TMC4: variants seen among roughly 807,000 people sequenced by gnomAD.
TMC4 encodes transmembrane channel like 4.
In TMC4, 70 loss-of-function variants were observed where a neutral mutation model predicts 82.0. The ratio of observed to expected loss-of-function variants is 0.85; its 90% CI spans 0.70 to 1.04. The LOEUF is 1.04. TMC4 is among the 50% of genes least tolerant of loss of function. The probability of loss-of-function intolerance (pLI) is 0.00; values close to 1 mark genes in which losing one functional copy is unlikely to be tolerated. For synonymous variants in TMC4, 446 were observed against 406.0 expected (o/e 1.10, Z -1.18); for missense variants, 879 against 899.0 (o/e 0.98, Z 0.28).
chr19:54,167,810 C>T (rs1444021370), intron 5 of TMC4, among the ~76,000 whole-genome samples: 1 of 151,880 alleles, frequency 6.6e-6, no homozygotes, highest in South Asian at 2.1e-4. Context: ...CGCCTGTAAT[C>T]CCAGCACTGT....
intron 5 of TMC4, among the ~76,000 whole-genome samples, chr19:54,166,724 C>T (rs1197712089): frequency 2.0e-5 from 3 of 151,898 alleles, no homozygotes; most frequent in African/African-American, 4.8e-5. Flanking sequence ...GAGACCGAGG[C>T]GGGTGCATCA....
intron 5 of TMC4, among the ~76,000 whole-genome samples, chr19:54,166,692 G>T (rs1441630507): frequency 6.6e-6 from 1 of 152,090 alleles, no homozygotes; most frequent in Non-Finnish European, 1.5e-5. Context: ...GGTGGCTCAC[G>T]CCTGTAATCC....
intron 3 of TMC4, among the ~76,000 whole-genome samples, chr19:54,168,894 TC>T (rs1346697689): frequency 3.1e-5 from 1 of 31,862 alleles, no homozygotes; most frequent in Non-Finnish European, 5.4e-5. Flanking sequence ...TTTCTTTCTT[TC>T]CTTTCTTTCT....
intron 6 of TMC4, 44 bp downstream of exon 6, chr19:54,165,375 T>G: frequency 1.3e-6 from 2 of 1,552,746 alleles, no homozygotes; most frequent in Non-Finnish European, 8.8e-7. Flanking sequence ...AGCCCGGTCC[T>G]GTCTGGTCCC....
chr19:54,169,634 A>C lies in TMC4; in HGVS notation c.320T>G (p.Val107Gly), dbSNP rs1470514680. Residue 107 changes from valine (V) to glycine (G), a missense_variant, in exon 3 of 15, where the codon GTG (valine) becomes GGG (glycine). Val to Gly is a moderately radical substitution (Grantham distance 109). Transcript: ENST00000619895. ...CGTCTTAGTTCCAGAGCCATAGACC[A>C]CCTGGTCCCTGCTGGCATTTCTTTG... is the stretch of plus-strand genomic sequence containing the variant. Reference protein sequence around the residue: ...HRQRNASRDQVVYGSGTKTDR... With the variant: ...HRQRNASRDQGVYGSGTKTDR... 1.2e-6 allele frequency: 2 copies of C among 1,613,792 alleles called. No homozygotes were observed. The highest frequency in any genetic ancestry group is 2.2e-5 in the South Asian group (2 of 91,056).
intron 2 of TMC4, 125 bp downstream of exon 2, chr19:54,171,745 A>C: frequency 1.2e-6 from 1 of 805,066 alleles, no homozygotes; most frequent in East Asian, 3.0e-5. Context: ...GGCAGCTCTG[A>C]GCGGGGCAGA....
chr19:54,168,102 C>G, intron 5 of TMC4, 69 bp downstream of exon 5: 2 of 1,494,512 alleles, frequency 1.3e-6, no homozygotes, highest in East Asian at 4.9e-5. Context: ...GAGGGGGTTT[C>G]TGCCACCACC....
At position 54,168,834 on chromosome 19, in the gene TMC4, TTTCTTTTCTTTTC is replaced by T. The variant is rs2075784786; in HGVS notation, c.443-167_443-155del. Among the ~76,000 whole-genome samples the T allele has an allele frequency of 1.3e-4, 3 of 23,374 alleles. 1 individual carries two copies. Among genetic ancestry groups the T allele is most frequent in the Admixed American group, 1.1e-3 (2 of 1,828 alleles). The allele number at this position is 23,374 out of a possible 152,430, so 15.3% of individuals were successfully genotyped here. On this transcript the variant is annotated intron_variant, in intron 3 of 14. Transcript: ENST00000619895. ...TTTCTTTTCTTTTCTTTTCTTTTCT[TTTCTTTTCTTTTC>T]TTTTCTTTTCTTTTCTTTTCTTTTC... is the stretch of plus-strand genomic sequence containing the variant.
rs2075648801 is a variant in TMC4 at position 54,164,424 on chromosome 19, C to T, written c.1113+10G>A. 6.2e-7 allele frequency: 1 copy of T among 1,605,826 alleles called. No homozygotes were observed. Among genetic ancestry groups the T allele is most frequent in the East Asian group, 2.2e-5 (1 of 44,690 alleles). ...GACCCCCTGGCTTCCTCTTCCAAGACCGTCCGCACCTGCAGCTCCACGGTG... is the reference window on the plus strand; with the variant it reads ...GACCCCCTGGCTTCCTCTTCCAAGATCGTCCGCACCTGCAGCTCCACGGTG... On this transcript the variant is annotated intron_variant, in intron 7 of 14. Transcript: ENST00000619895.
chr19:54,169,078 G>A (rs949576056), intron 3 of TMC4, among the ~76,000 whole-genome samples: 1 of 126,578 alleles, frequency 7.9e-6, no homozygotes, highest in Non-Finnish European at 1.6e-5. Flanking sequence ...CTGCCGCCCA[G>A]CATGGAGTGC....
In TMC4 at chr19:54,169,137, A is replaced by G. The variant is rs370054445; in HGVS notation, c.442+375T>C. Among the ~76,000 whole-genome samples the G allele has an allele frequency of 1.3e-4, 19 of 145,766 alleles. No homozygotes were observed. The East Asian group carries it at 3.4e-3, about 26-fold the overall frequency. On this transcript the variant is annotated intron_variant, in intron 3 of 14. Coordinates refer to ENST00000619895, the MANE Select transcript of TMC4 (RefSeq NM_144686.4). The stretch of plus-strand genomic sequence containing the variant: ...CAACCTCCGCCTCCTGGGTTCAAGC[A>G]ATTCTCCTGTCTCAGCCTCACGAGT...
intron 1 of TMC4, among the ~76,000 whole-genome samples, chr19:54,172,535 G>A (rs536761385): frequency 1.5e-4 from 22 of 147,662 alleles, no homozygotes; most frequent in African/African-American, 5.1e-4. Flanking sequence ...CCAGGCCCCC[G>A]GCTCCTCCTC....
At chr19:54,166,395 G>A (rs1209677631) in intron 5 of TMC4, among the ~76,000 whole-genome samples, 1 of 150,678 alleles carries the variant, frequency 6.6e-6, no homozygotes, top group East Asian at 2.0e-4. Context: ...GGGGGGCAAA[G>A]ACCCAGGAAG....
chr19:54,166,391 C>A, intron 5 of TMC4, among the ~76,000 whole-genome samples: 1 of 150,832 alleles, frequency 6.6e-6, no homozygotes, highest in African/African-American at 2.4e-5. Context: ...GAGAGGGGGG[C>A]AAAGACCCAG....
At chr19:54,172,813 C>A (rs1033144800) in intron 1 of TMC4, 7 of 516,446 alleles carry the variant, frequency 1.4e-5, no homozygotes, top group African/African-American at 1.2e-4. Context: ...AACTCCCAGC[C>A]CTTAGCCCTC....
At chr19:54,165,661 A>G (rs1302566819) in intron 5 of TMC4, 95 bp from the exon 6 acceptor site, 8 of 1,425,302 alleles carry the variant, frequency 5.6e-6, no homozygotes, top group Non-Finnish European at 6.6e-6. Flanking sequence ...GGGGAAGATG[A>G]ACCCTAAGGC....
At chr19:54,162,870 A>G (rs1240156652) in intron 9 of TMC4, 100 bp from the exon 10 acceptor site, 2 of 1,512,690 alleles carry the variant, frequency 1.3e-6, no homozygotes, top group Admixed American at 1.8e-5. Flanking sequence ...GACCCTGTCA[A>G]TACTTTCTCT....
rs937769225 is a variant in TMC4, at chr19:54,163,816, A to C, written c.1185T>G (p.Ala395=). 16 of 1,614,012 alleles carry C rather than the reference A, an allele frequency of 9.9e-6. No individual in the cohort carries two copies. The highest frequency in any genetic ancestry group is 1.4e-5 in the Non-Finnish European group (16 of 1,180,008). ...GVNYLPSIFI[A]GVNFVLPPVF... is the part of the protein sequence containing the mutation. ...CGGGCGGCAGCACAAAATTGACCCCAGCGATGAAGATGGACGGAAGGTAAT... is the reference window on the plus strand; with the variant it reads ...CGGGCGGCAGCACAAAATTGACCCCCGCGATGAAGATGGACGGAAGGTAAT... The change falls in exon 8 of 15, where the codon GCT becomes GCG. Residue 395 remains alanine, a synonymous_variant. Transcript: ENST00000619895.
At chr19:54,169,475 G>T (rs1472144581) in intron 3 of TMC4, 37 bp downstream of exon 3, 1 of 1,591,200 alleles carries the variant, frequency 6.3e-7, no homozygotes, top group South Asian at 1.1e-5. Context: ...AGGAGTCCAG[G>T]CCCTGCCCCC....
Sources: gnomAD v4.1 joint callset for allele counts (sites outside exome capture counted in the v4.1 genomes callset) on GRCh38, gnomAD v4.1.1 for gene constraint, MANE v1.5 for transcripts, NCBI Gene and HGNC (gene_info 2026-07-23, HGNC 2026-07-21) for gene names.